Variants in PROSER2 observed in about 807,000 individuals in gnomAD.
PROSER2 encodes the protein proline and serine rich 2.
PROSER2 carries 18 observed loss-of-function variants against 14.6 expected under a neutral mutation model. That is an observed-to-expected ratio of 1.23 (90% confidence interval 0.85 to 1.83). The LOEUF is 1.83. PROSER2 is among the 40% of genes most tolerant of loss of function. The pLI is 0.00. For synonymous variants in PROSER2, 367 were observed against 286.4 expected (o/e 1.28, Z -2.84); for missense variants, 823 against 629.8 (o/e 1.31, Z -3.28).
chr10:11,843,723 G>T (rs1251784883), intron 1 of PROSER2, among the ~76,000 whole-genome samples: 2 of 150,070 alleles, frequency 1.3e-5, no homozygotes, highest in East Asian at 4.0e-4. Context: ...GTGGTGGTGG[G>T]CTCCTGCAAT....
At chr10:11,860,967 G>C (rs1028634002) in intron 2 of PROSER2, among the ~76,000 whole-genome samples, 2 of 152,148 alleles carry the variant, frequency 1.3e-5, no homozygotes, top group African/African-American at 4.8e-5. Context: ...TTAACCGGGC[G>C]TGGTGGCGTG....
chr10:11,855,290 G>T (rs1189032158), intron 2 of PROSER2, among the ~76,000 whole-genome samples: 1 of 151,546 alleles, frequency 6.6e-6, no homozygotes, highest in Non-Finnish European at 1.5e-5. Context: ...TGGCTAAGAC[G>T]GTGAAACCCC....
intron 1 of PROSER2, among the ~76,000 whole-genome samples, chr10:11,835,150 T>C (rs1833743945): frequency 6.6e-6 from 1 of 151,912 alleles, no homozygotes; most frequent in Non-Finnish European, 1.5e-5. Context: ...GTGTTAGTTA[T>C]TGCAATATCT....
intron 1 of PROSER2, among the ~76,000 whole-genome samples, chr10:11,832,815 CT>C (rs1309988901): frequency 1.2e-5 from 1 of 81,960 alleles, no homozygotes; most frequent in Non-Finnish European, 3.1e-5. Context: ...TTTTAGGGTG[CT>C]CTTTTTTTTT....
intron 1 of PROSER2, among the ~76,000 whole-genome samples, chr10:11,844,892 G>A (rs954382408): frequency 6.6e-6 from 1 of 152,308 alleles, no homozygotes; most frequent in South Asian, 2.1e-4. Context: ...AAAGTGCTGG[G>A]ATTACAGGCA....
intron 1 of PROSER2, among the ~76,000 whole-genome samples, chr10:11,848,122 G>C (rs1833952534): frequency 6.6e-6 from 1 of 152,106 alleles, no homozygotes; most frequent in Non-Finnish European, 1.5e-5. Flanking sequence ...CAAAGTGGGA[G>C]TGTGCCCCAC....
chr10:11,871,008 T>TTGAG lies in PROSER2; in HGVS notation c.*604_*607dup, dbSNP rs1214574277. ...AAAACTGAAATGAAACCTTTAGATA[T>TTGAG]TGAGTTTTGGGAGTGAAATGGAAAG... On this transcript the variant is annotated 3_prime_UTR_variant, in exon 4 of 4. Transcript: ENST00000277570. 1 of 152,194 alleles carries TTGAG rather than the reference T, an allele frequency of 6.6e-6. No homozygotes were observed. Among genetic ancestry groups the TTGAG allele is most frequent in the Non-Finnish European group, 1.5e-5 (1 of 68,020 alleles). 9.4% of individuals were successfully genotyped at this position (152,194 alleles called of 1,614,324 possible). A position where few individuals can be genotyped will look rare whatever the true frequency, so the allele number is the denominator to read the frequency against.
At chr10:11,868,464 G>A (rs1394015347) in intron 3 of PROSER2, among the ~76,000 whole-genome samples, 1 of 151,790 alleles carries the variant, frequency 6.6e-6, no homozygotes, top group South Asian at 2.1e-4. Flanking sequence ...TAGTGATGGG[G>A]TCTCACTATG....
At chr10:11,858,670 T>C (rs1410811164) in intron 2 of PROSER2, among the ~76,000 whole-genome samples, 5 of 152,174 alleles carry the variant, frequency 3.3e-5, no homozygotes, top group Non-Finnish European at 1.5e-5. Context: ...AAAGCAATAT[T>C]TCCTTCAGAG....
chr10:11,867,527 G>C (rs1834377210), intron 3 of PROSER2, among the ~76,000 whole-genome samples: 1 of 152,066 alleles, frequency 6.6e-6, no homozygotes, highest in Non-Finnish European at 1.5e-5. Flanking sequence ...CAGAGGCTGA[G>C]GCACAAGAAT....
chr10:11,844,005 G>A (rs557832115), intron 1 of PROSER2, among the ~76,000 whole-genome samples: 7 of 151,044 alleles, frequency 4.6e-5, no homozygotes, highest in African/African-American at 9.7e-5. Flanking sequence ...GCATTTGATT[G>A]ATTGAGACAG....
chr10:11,833,640 G>A (rs539396672), intron 1 of PROSER2, among the ~76,000 whole-genome samples: 81 of 152,054 alleles, frequency 5.3e-4, no homozygotes, highest in Admixed American at 1.2e-3. Context: ...GCAGTGAGCC[G>A]AGATCATGCC....
chr10:11,846,478 C>G (rs1333799668), intron 1 of PROSER2, among the ~76,000 whole-genome samples: 1 of 152,204 alleles, frequency 6.6e-6, no homozygotes, highest in Non-Finnish European at 1.5e-5. Flanking sequence ...TTCTGTCATT[C>G]TCTCTCTAGC....
chr10:11,836,703 T>A lies in PROSER2; in HGVS notation c.-82+13233T>A, dbSNP rs1263766517. Among the ~76,000 whole-genome samples, 1 of 152,154 alleles carries A rather than the reference T, an allele frequency of 6.6e-6. No homozygotes were observed. The highest frequency in any genetic ancestry group is 1.5e-5 in the Non-Finnish European group (1 of 68,032). ...AGGAAGGGGGATGTCTTTTAGAAGC[T>A]CATTTCTACCTCTTTCCCAGCTCAA... On this transcript the variant is annotated intron_variant, in intron 1 of 3. Transcript: ENST00000277570. This position sits in a 1 kb window ranked among gnomAD's most constrained non-coding sequence, Gnocchi z 4.6.
chr10:11,856,709 C>T lies in PROSER2; in HGVS notation c.138+4494C>T, dbSNP rs961298527. On this transcript the variant is annotated intron_variant, in intron 2 of 3. Coordinates refer to ENST00000277570, the MANE Select transcript of PROSER2 (RefSeq NM_153256.4). The surrounding 1 kb of genome is among the most constrained non-coding windows in gnomAD (Gnocchi z 5.3). ...ACACAGCGGTCTGTGACCAGGCAGC[C>T]GGCAGCTCCTGAGCCACCCTGTTGC... 7.2e-5 allele frequency among the ~76,000 whole-genome samples: 11 copies of T among 152,356 alleles called. No individual in the cohort carries two copies. The highest frequency in any genetic ancestry group is 3.3e-4 in the Admixed American group (5 of 15,306).
intron 1 of PROSER2, among the ~76,000 whole-genome samples, chr10:11,828,067 C>G (rs1321465102): frequency 1.3e-5 from 2 of 151,968 alleles, no homozygotes; most frequent in East Asian, 1.9e-4. Flanking sequence ...TGGTACTGCA[C>G]TGGAATTTAA....
At chr10:11,833,451 G>A (rs1166527511) in intron 1 of PROSER2, among the ~76,000 whole-genome samples, 3 of 151,974 alleles carry the variant, frequency 2.0e-5, no homozygotes, top group Admixed American at 6.6e-5. Context: ...AGCACTTTGG[G>A]AGGCCAAGAG....
chr10:11,858,624 A>AT (rs1422596040), intron 2 of PROSER2, among the ~76,000 whole-genome samples: 1 of 152,212 alleles, frequency 6.6e-6, no homozygotes, highest in Non-Finnish European at 1.5e-5. Flanking sequence ...TCATATATAT[A>AT]TTAGGGTAAA....
At position 11,856,900 on chromosome 10, in the gene PROSER2, G is replaced by A. The variant is rs145582130; in HGVS notation, c.138+4685G>A. Among the ~76,000 whole-genome samples the A allele has an allele frequency of 3.0e-3, 462 of 152,298 alleles. 4 individuals carry two copies. The highest frequency in any genetic ancestry group is 0.011 in the African/African-American group (442 of 41,560). ...TGACTTCAGGAGGGGACACTGAACC[G>A]GAGGTGCCTTGAGGGAGGAGCCGCC... is the stretch of plus-strand genomic sequence containing the variant. On this transcript the variant is annotated intron_variant, in intron 2 of 3. Transcript: ENST00000277570. This position sits in a 1 kb window ranked among gnomAD's most constrained non-coding sequence, Gnocchi z 5.3.
Sources: allele counts gnomAD v4.1 joint callset (sites outside exome capture counted in the v4.1 genomes callset), GRCh38; gene constraint gnomAD v4.1.1; non-coding constraint Gnocchi (gnomAD v3.1); transcripts MANE v1.5; gene names NCBI Gene and HGNC (gene_info 2026-07-23, HGNC 2026-07-21).